The following CHST6 variants were observed in gnomAD, a reference collection of about 807,000 sequenced individuals.
The protein encoded by CHST6 is carbohydrate sulfotransferase 6.
For missense variants in CHST6, 698 were observed against 586.2 expected, an observed-to-expected ratio of 1.19 and a Z score of -1.97; for synonymous variants, 309 against 276.4, an observed-to-expected ratio of 1.12 and a Z score of -1.17.
rs2080056600 is a variant in CHST6 at position 75,475,430 on chromosome 16, C to G, written c.*3211G>C. 6.6e-6 allele frequency: 1 copy of G among 152,340 alleles called. No homozygotes were observed. Among genetic ancestry groups the G allele is most frequent in the Non-Finnish European group, 1.5e-5 (1 of 68,156 alleles). 9.4% of individuals were successfully genotyped at this position (152,340 alleles called of 1,614,324 possible). ...CACACAGCACAGAGTGTCAACACAG[C>G]AAACCACTAACAGTGGTCAATGCAG... On this transcript the variant is annotated 3_prime_UTR_variant, in exon 3 of 3. Transcript: ENST00000332272.
intron 1 of CHST6, among the ~76,000 whole-genome samples, chr16:75,489,723 T>G (rs1444712946): frequency 6.6e-6 from 1 of 152,020 alleles, no homozygotes; most frequent in African/African-American, 2.4e-5. Flanking sequence ...TAAGAAGAGC[T>G]CTTACAACTC....
chr16:75,479,787 G>A lies in CHST6; in HGVS notation c.42C>T (p.Leu14=), dbSNP rs1220480049. Residue 14 remains leucine (L), a synonymous_variant, in exon 3 of 3, where the codon CTC becomes CTT. Coordinates refer to ENST00000332272, the MANE Select transcript of CHST6 (RefSeq NM_021615.5). ...PRVSSTAVTA[L]LLAQTFLLLF... ...GGAGGAGGAAGGTCTGCGCCAGGAGGAGCGCGGTCACTGCTGTGCTGGAGA... is the reference window on the plus strand; with the variant it reads ...GGAGGAGGAAGGTCTGCGCCAGGAGAAGCGCGGTCACTGCTGTGCTGGAGA... 1.9e-6 allele frequency: 3 copies of A among 1,584,910 alleles called. No homozygotes were observed. The highest frequency in any genetic ancestry group is 1.3e-5 in the African/African-American group (1 of 74,664).
intron 1 of CHST6, among the ~76,000 whole-genome samples, chr16:75,488,009 C>T (rs1415327450): frequency 6.6e-6 from 1 of 151,808 alleles, no homozygotes; most frequent in Non-Finnish European, 1.5e-5. Flanking sequence ...AACAAACAAA[C>T]AAACAAAACC....
chr16:75,484,579 G>T (rs2080175420), intron 1 of CHST6, among the ~76,000 whole-genome samples: 1 of 152,070 alleles, frequency 6.6e-6, no homozygotes, highest in Non-Finnish European at 1.5e-5. Flanking sequence ...GCCACGCATG[G>T]TGGCTCACGC....
intron 1 of CHST6, among the ~76,000 whole-genome samples, chr16:75,485,338 TGCCTGTAATCCTA>T (rs1318724452): frequency 6.6e-6 from 1 of 152,138 alleles, no homozygotes; most frequent in African/African-American, 2.4e-5. Context: ...CGGTGGCTCG[TGCCTGTAATCCTA>T]GCACTTTGGG....
intron 1 of CHST6, among the ~76,000 whole-genome samples, chr16:75,484,209 C>A (rs180706131): frequency 0.011 from 1,589 of 150,702 alleles, 29 homozygotes; most frequent in African/African-American, 0.037. Flanking sequence ...TGATGGCAGG[C>A]ACCTGTAGTC....
intron 1 of CHST6, 33 bp from the exon 2 acceptor site, chr16:75,481,924 C>G (rs1326014123): frequency 2.2e-6 from 1 of 458,404 alleles, no homozygotes; most frequent in African/African-American, 2.0e-5. Flanking sequence ...GAGTCACACT[C>G]TACAGGGGAA....
At chr16:75,481,333 C>G (rs1169010064) in intron 2 of CHST6, among the ~76,000 whole-genome samples, 1 of 151,866 alleles carries the variant, frequency 6.6e-6, no homozygotes, top group African/African-American at 2.4e-5. Flanking sequence ...TGGCTCATGC[C>G]TGTAATCCTA....
chr16:75,480,798 G>A (rs559505653), intron 2 of CHST6, among the ~76,000 whole-genome samples: 4 of 151,482 alleles, frequency 2.6e-5, no homozygotes, highest in African/African-American at 7.3e-5. Context: ...GCGTGGTAGC[G>A]GGCACCTGTA....
At chr16:75,483,539 T>A (rs1312060577) in intron 1 of CHST6, among the ~76,000 whole-genome samples, 2 of 152,178 alleles carry the variant, frequency 1.3e-5, no homozygotes, top group African/African-American at 4.8e-5. Flanking sequence ...CAGTAGACAT[T>A]TGGGCCAAGG....
chr16:75,480,697 G>A (rs746705660), intron 2 of CHST6, among the ~76,000 whole-genome samples: 6 of 152,012 alleles, frequency 3.9e-5, no homozygotes, highest in Non-Finnish European at 8.8e-5. Flanking sequence ...GGGAGGCCGA[G>A]GTGGGTGGAT....
At chr16:75,480,276 C>T (rs766649366) in intron 2 of CHST6, among the ~76,000 whole-genome samples, 5 of 152,206 alleles carry the variant, frequency 3.3e-5, no homozygotes, top group Admixed American at 2.0e-4. Flanking sequence ...TGTCACAGCA[C>T]GGCCAGGCTC....
chr16:75,479,723 C>G lies in CHST6; in HGVS notation c.106G>C (p.Gly36Arg). The change falls in exon 3 of 3, where the codon GGC becomes CGC. Residue 36 changes from glycine to arginine, a missense_variant. Transcript: ENST00000332272. ...AGCACATGCACGCGCGCCTCGCCGCCTGCTGGGGACGAGGGCCCTGGCCGG... is the reference window on the plus strand; with the variant it reads ...AGCACATGCACGCGCGCCTCGCCGCGTGCTGGGGACGAGGGCCCTGGCCGG... Reference protein sequence around the residue: ...VSRPGPSSPAGGEARVHVLVL... With the variant: ...VSRPGPSSPARGEARVHVLVL... 1 of 1,608,100 alleles carries G rather than the reference C, an allele frequency of 6.2e-7. No individual in the cohort carries two copies. The highest frequency in any genetic ancestry group is 1.1e-5 in the South Asian group (1 of 90,600).
chr16:75,478,738 TCA>T lies in CHST6; in HGVS notation c.1089_1090del (p.Glu364GlyfsTer9). On this transcript the variant is annotated frameshift_variant, in exon 3 of 3. Coordinates refer to ENST00000332272, the MANE Select transcript of CHST6 (RefSeq NM_021615.5). LOFTEE classifies it low-confidence loss of function (END_TRUNC). Reference sequence around the variant, plus strand: ...AAGGGCGAGGTTGCGCTGCTCGTCCTCAGAGTACACAGGCCGGTAGCCCAGCA... The same window carrying T: ...AAGGGCGAGGTTGCGCTGCTCGTCCTGAGTACACAGGCCGGTAGCCCAGCA... The T allele has an allele frequency of 6.2e-7, 1 of 1,613,558 alleles. No individual in the cohort carries two copies. The highest frequency in any genetic ancestry group is 1.6e-4 in the Middle Eastern group (1 of 6,062).
At chr16:75,482,758 T>C (rs2738811) in intron 1 of CHST6, among the ~76,000 whole-genome samples, 83,044 of 151,738 alleles carry the variant, frequency 0.55, 23,940 homozygotes, top group Admixed American at 0.68. Context: ...CCTGTCCACA[T>C]CGCCCACTGA....
At chr16:75,486,129 C>T (rs2080194953) in intron 1 of CHST6, among the ~76,000 whole-genome samples, 1 of 152,268 alleles carries the variant, frequency 6.6e-6, no homozygotes, top group Non-Finnish European at 1.5e-5. Context: ...GCAGCCCTGA[C>T]TCCCACTGGG....
Position 75,479,789 on chromosome 16 carries a change from G to T in CHST6, c.40C>A (p.Leu14Ile). 6.3e-7 allele frequency: 1 copy of T among 1,583,764 alleles called. No individual in the cohort carries two copies. Among genetic ancestry groups the T allele is most frequent in the Non-Finnish European group, 8.6e-7 (1 of 1,166,448 alleles). Residue 14 changes from leucine (L) to isoleucine (I), a missense_variant, in exon 3 of 3, where the codon CTC (leucine) becomes ATC (isoleucine). Transcript: ENST00000332272. ...PRVSSTAVTA[L>I]LLAQTFLLLF... The stretch of plus-strand genomic sequence containing the variant: ...AGGAGGAAGGTCTGCGCCAGGAGGA[G>T]CGCGGTCACTGCTGTGCTGGAGACG...
intron 1 of CHST6, among the ~76,000 whole-genome samples, chr16:75,484,717 G>A (rs190476714): frequency 9.9e-5 from 15 of 152,016 alleles, no homozygotes; most frequent in African/African-American, 3.4e-4. Context: ...GGTGGTGAGT[G>A]CCTGTAGTCC....
At position 75,476,632 on chromosome 16, in the gene CHST6, C is replaced by A. The variant is rs1474214568; in HGVS notation, c.*2009G>T. 6.6e-6 allele frequency: 1 copy of A among 150,836 alleles called. No homozygotes were observed. The highest frequency in any genetic ancestry group is 6.6e-5 in the Admixed American group (1 of 15,072). 9.3% of individuals were successfully genotyped at this position (150,836 alleles called of 1,614,324 possible). A position where few individuals can be genotyped will look rare whatever the true frequency, so the allele number is the denominator to read the frequency against. On this transcript the variant is annotated 3_prime_UTR_variant, in exon 3 of 3. Coordinates refer to ENST00000332272, the MANE Select transcript of CHST6 (RefSeq NM_021615.5). ...CATCTTCTACGATAAGAGGACACAGCTAGAAGGCACTGTCTTTGAAAAAGT... is the reference window on the plus strand; with the variant it reads ...CATCTTCTACGATAAGAGGACACAGATAGAAGGCACTGTCTTTGAAAAAGT...
Sources: gnomAD v4.1 joint callset for allele counts (sites outside exome capture counted in the v4.1 genomes callset) on GRCh38, gnomAD v4.1.1 for gene constraint, MANE v1.5 for transcripts, NCBI Gene and HGNC (gene_info 2026-07-23, HGNC 2026-07-21) for gene names.